DNAJC5: variants seen among roughly 807,000 people sequenced by gnomAD.
DNAJC5 encodes DnaJ heat shock protein family (Hsp40) member C5, also known as dnaJ homolog subfamily C member 5.
Under a neutral mutation model 23.2 loss-of-function variants are expected in DNAJC5, and 1 was observed. That is an observed-to-expected ratio of 0.04 (90% CI 0.02 to 0.20). The LOEUF (loss-of-function observed/expected upper bound fraction) is 0.20, where lower values mean the gene tolerates loss of function less well. DNAJC5 is among the 10% of genes least tolerant of loss of function. The probability of loss-of-function intolerance (pLI) is 1.00; values close to 1 mark genes in which losing one functional copy is unlikely to be tolerated. For missense variants in DNAJC5, 180 were observed against 267.0 expected, an observed-to-expected ratio of 0.67 and a Z score of 2.27; for synonymous variants, 136 against 120.0, an observed-to-expected ratio of 1.13 and a Z score of -0.87.
chr20:63,905,312 C>T (rs929690435), intron 1 of DNAJC5, among the ~76,000 whole-genome samples: 1 of 151,958 alleles, frequency 6.6e-6, no homozygotes, highest in African/African-American at 2.4e-5. Context: ...GATGGGGTTT[C>T]ACCATGTTGG....
At chr20:63,915,976 C>T (rs2053513252) in intron 1 of DNAJC5, among the ~76,000 whole-genome samples, 1 of 152,186 alleles carries the variant, frequency 6.6e-6, no homozygotes, top group Non-Finnish European at 1.5e-5. Context: ...CTTTGTCACT[C>T]AGACTGGAGG....
rs1184855267 is a variant in DNAJC5 at position 63,933,733 on chromosome 20, G to A, written c.*2165G>A. 3 of 152,360 alleles carry A rather than the reference G, an allele frequency of 2.0e-5. No individual in the cohort carries two copies. Among genetic ancestry groups the A allele is most frequent in the African/African-American group, 7.2e-5 (3 of 41,448 alleles). 9.4% of individuals were successfully genotyped at this position (152,360 alleles called of 1,614,324 possible). The stretch of plus-strand genomic sequence containing the variant: ...AGTTATTTTTCCGCAGACTGGCCAA[G>A]AGCCAGGTTCTAAGCTTGGACCTAA... On this transcript the variant is annotated 3_prime_UTR_variant, in exon 5 of 5. Coordinates refer to ENST00000360864, the MANE Select transcript of DNAJC5 (RefSeq NM_025219.3).
rs2053645870 is a variant in DNAJC5, at chr20:63,929,589, TCTCCTGCCGTGCGGGCACCCGAGTCA to T, written c.321+90_321+115del. 227 of 1,424,446 alleles carry T rather than the reference TCTCCTGCCGTGCGGGCACCCGAGTCA, an allele frequency of 1.6e-4. 1 individual carries two copies. The highest frequency in any genetic ancestry group is 2.6e-4 in the South Asian group (23 of 87,070). The allele number at this position is 1,424,446 out of a possible 1,614,324, so 88.2% of individuals were successfully genotyped here. ...CTCCTGCCGTGCGGGCACCCGAGTC[TCTCCTGCCGTGCGGGCACCCGAGTCA>T]CTCCTGCCGTGCGGGCACCCGAGTC... On this transcript the variant is annotated intron_variant, in intron 3 of 4. Coordinates refer to ENST00000360864, the MANE Select transcript of DNAJC5 (RefSeq NM_025219.3). The surrounding 1 kb of genome is among the most constrained non-coding windows in gnomAD (Gnocchi z 8.6).
rs750723379 is a variant in DNAJC5 at position 63,928,226 on chromosome 20, G to C, written c.-11-109G>C. The C allele has an allele frequency of 8.0e-6, 7 of 877,218 alleles. No homozygotes were observed. The highest frequency in any genetic ancestry group is 1.3e-5 in the Non-Finnish European group (7 of 543,150). The allele number at this position is 877,218 out of a possible 1,614,324, so 54.3% of individuals were successfully genotyped here. On this transcript the variant is annotated intron_variant, in intron 1 of 4. Transcript: ENST00000360864. This position sits in a 1 kb window ranked among gnomAD's most constrained non-coding sequence, Gnocchi z 4.6. Reference sequence around the variant, plus strand: ...TGCACGTGGCAAACTCCACAAGGCAGTGTTGGATTCTTTTGCTTTGAACGG... The same window carrying C: ...TGCACGTGGCAAACTCCACAAGGCACTGTTGGATTCTTTTGCTTTGAACGG...
At chr20:63,910,562 C>T (rs928191027) in intron 1 of DNAJC5, among the ~76,000 whole-genome samples, 3 of 151,632 alleles carry the variant, frequency 2.0e-5, no homozygotes, top group African/African-American at 4.8e-5. Context: ...AAGTGATGTG[C>T]GCTTGGGACT....
chr20:63,931,739 GT>G lies in DNAJC5; in HGVS notation c.*172del, dbSNP rs1281750384. On this transcript the variant is annotated 3_prime_UTR_variant, in exon 5 of 5. Transcript: ENST00000360864. The surrounding 1 kb of genome is among the most constrained non-coding windows in gnomAD (Gnocchi z 9.6). Reference sequence around the variant, plus strand: ...CGTCGACCCTTGACCCACGAAGTGCGTAGCATGCAGTATTTAAAGCAGTGTA... The same window carrying G: ...CGTCGACCCTTGACCCACGAAGTGCGAGCATGCAGTATTTAAAGCAGTGTA... 1 of 682,912 alleles carries G rather than the reference GT, an allele frequency of 1.5e-6. No homozygotes were observed. Among genetic ancestry groups the G allele is most frequent in the African/African-American group, 1.8e-5 (1 of 56,250 alleles). The allele number at this position is 682,912 out of a possible 1,614,324, so 42.3% of individuals were successfully genotyped here.
chr20:63,915,021 G>A (rs1346246668), intron 1 of DNAJC5, among the ~76,000 whole-genome samples: 1 of 152,200 alleles, frequency 6.6e-6, no homozygotes, highest in East Asian at 1.9e-4. Context: ...CCCCTGATAG[G>A]CCTCCTGCGT....
At chr20:63,896,454 T>A (rs908845457) in intron 1 of DNAJC5, among the ~76,000 whole-genome samples, 6 of 152,178 alleles carry the variant, frequency 3.9e-5, no homozygotes, top group African/African-American at 1.2e-4. Context: ...GGTTGCTGGC[T>A]GTGTGGACTC....
Position 63,928,944 on chromosome 20 carries a change from A to G in DNAJC5, c.108-368A>G, listed in dbSNP as rs186231038. Among the ~76,000 whole-genome samples, 477 of 152,348 alleles carry G rather than the reference A, an allele frequency of 3.1e-3. 2 individuals carry two copies. Among genetic ancestry groups the G allele is most frequent in the Non-Finnish European group, 5.1e-3 (347 of 68,034 alleles). On this transcript the variant is annotated intron_variant, in intron 2 of 4. Transcript: ENST00000360864. The surrounding 1 kb of genome is among the most constrained non-coding windows in gnomAD (Gnocchi z 4.6). Reference sequence around the variant, plus strand: ...CTCGTGTGCTAGCATCGTGTAGTTCATAAAACACTTCTTAAAGTGCCATCA... The same window carrying G: ...CTCGTGTGCTAGCATCGTGTAGTTCGTAAAACACTTCTTAAAGTGCCATCA...
intron 1 of DNAJC5, among the ~76,000 whole-genome samples, chr20:63,900,034 G>A (rs953485231): frequency 6.6e-6 from 1 of 151,776 alleles, no homozygotes; most frequent in Non-Finnish European, 1.5e-5. Context: ...GATTACAGGC[G>A]CCTGCCATGA....
intron 1 of DNAJC5, among the ~76,000 whole-genome samples, chr20:63,923,186 T>TG (rs1246822798): frequency 6.7e-6 from 1 of 149,826 alleles, no homozygotes; most frequent in East Asian, 2.0e-4. Context: ...TGAGGAGCAG[T>TG]GGCTTGCACC....
chr20:63,926,736 C>T (rs1246778091), intron 1 of DNAJC5, among the ~76,000 whole-genome samples: 1 of 152,198 alleles, frequency 6.6e-6, no homozygotes, highest in Non-Finnish European at 1.5e-5. Flanking sequence ...TATTCGGGAC[C>T]CCCGTGGACT....
At chr20:63,903,036 T>G (rs558355502) in intron 1 of DNAJC5, among the ~76,000 whole-genome samples, 20 of 151,828 alleles carry the variant, frequency 1.3e-4, no homozygotes, top group African/African-American at 4.1e-4. Flanking sequence ...TAGAGAGGAG[T>G]GACACAGTCT....
intron 1 of DNAJC5, among the ~76,000 whole-genome samples, chr20:63,925,929 G>A (rs547062428): frequency 2.8e-4 from 42 of 150,200 alleles, no homozygotes; most frequent in Admixed American, 1.5e-3. Flanking sequence ...CCGGGTTAAC[G>A]TCATTCTCCT....
At chr20:63,914,718 C>T (rs572286616) in intron 1 of DNAJC5, among the ~76,000 whole-genome samples, 7 of 150,054 alleles carry the variant, frequency 4.7e-5, no homozygotes, top group Admixed American at 2.0e-4. Context: ...CTAGTTCAAA[C>T]GATTCTTCTG....
At chr20:63,919,009 C>T (rs73136563) in intron 1 of DNAJC5, among the ~76,000 whole-genome samples, 183 of 152,338 alleles carry the variant, frequency 1.2e-3, no homozygotes, top group Non-Finnish European at 2.0e-3. Flanking sequence ...ACAAAGTTGG[C>T]CACAGTTTTT....
Position 63,931,260 on chromosome 20 carries a change from G to A in DNAJC5, c.494-205G>A, listed in dbSNP as rs552689995. 2.6e-6 allele frequency: 2 copies of A among 782,596 alleles called. No individual in the cohort carries two copies. Among genetic ancestry groups the A allele is most frequent in the East Asian group, 5.3e-5 (2 of 37,396 alleles). 48.5% of individuals were successfully genotyped at this position (782,596 alleles called of 1,614,324 possible). On this transcript the variant is annotated intron_variant, in intron 4 of 4. Coordinates refer to ENST00000360864, the MANE Select transcript of DNAJC5 (RefSeq NM_025219.3). The surrounding 1 kb of genome is among the most constrained non-coding windows in gnomAD (Gnocchi z 9.6). Reference sequence around the variant, plus strand: ...CCCAGGGACTGCGAGGCGGGGCAGGGCGGCAGGCAGTTGGGGCGGGGCTGA... The same window carrying A: ...CCCAGGGACTGCGAGGCGGGGCAGGACGGCAGGCAGTTGGGGCGGGGCTGA...
At chr20:63,900,891 T>C (rs993401598) in intron 1 of DNAJC5, among the ~76,000 whole-genome samples, 4 of 152,258 alleles carry the variant, frequency 2.6e-5, no homozygotes, top group African/African-American at 9.6e-5. Context: ...ACATTGAACA[T>C]GTATCACCAG....
chr20:63,930,687 TCTC>T (rs2053661547), intron 3 of DNAJC5, among the ~76,000 whole-genome samples, 161 bp from the exon 4 acceptor site: 2 of 152,314 alleles, frequency 1.3e-5, no homozygotes, highest in South Asian at 4.1e-4. Context: ...TCTTTCTGTC[TCTC>T]CTCCTCCCTT....
Sources: gnomAD v4.1 joint callset for allele counts (sites outside exome capture counted in the v4.1 genomes callset) on GRCh38, gnomAD v4.1.1 for gene constraint, Gnocchi (gnomAD v3.1) non-coding constraint, MANE v1.5 for transcripts, NCBI Gene and HGNC (gene_info 2026-07-23, HGNC 2026-07-21) for gene names.